The following CRTC3 variants were observed in gnomAD, a reference collection of about 807,000 sequenced individuals.
The protein encoded by CRTC3 is CREB regulated transcription coactivator 3.
Under a neutral mutation model 74.5 loss-of-function variants are expected in CRTC3, and 26 were observed. The ratio of observed to expected loss-of-function variants is 0.35; its 90% CI spans 0.26 to 0.48. The LOEUF is 0.48. CRTC3 is among the 20% of genes least tolerant of loss of function. The probability of loss-of-function intolerance (pLI) is 0.99; values close to 1 mark genes in which losing one functional copy is unlikely to be tolerated. For synonymous variants in CRTC3, 377 were observed against 325.8 expected, an observed-to-expected ratio of 1.16 and a Z score of -1.69; for missense variants, 760 against 787.3, an observed-to-expected ratio of 0.97 and a Z score of 0.41.
rs111982632 is a variant in CRTC3 at position 90,601,060 on chromosome 15, G to A, written c.352-1264G>A. ...ATCACCGCAATTACTAAGCCAGTAAGTTTTGATTTTGCCTTTTAGGCTGAA... is the reference window on the plus strand; with the variant it reads ...ATCACCGCAATTACTAAGCCAGTAAATTTTGATTTTGCCTTTTAGGCTGAA... On this transcript the variant is annotated intron_variant, in intron 3 of 14. Transcript: ENST00000268184. Among the ~76,000 whole-genome samples the A allele has an allele frequency of 9.0e-3, 1,376 of 152,330 alleles. 16 individuals are homozygous for A. Among genetic ancestry groups the A allele is most frequent in the Middle Eastern group, 0.02 (6 of 294 alleles).
intron 1 of CRTC3, among the ~76,000 whole-genome samples, chr15:90,533,386 A>G (rs1183680028): frequency 6.8e-6 from 1 of 146,520 alleles, no homozygotes; most frequent in African/African-American, 2.5e-5. Flanking sequence ...GCGCCATTGC[A>G]CTCCAGCCTG....
At chr15:90,542,512 C>T (rs1345596880) in intron 2 of CRTC3, among the ~76,000 whole-genome samples, 1 of 152,078 alleles carries the variant, frequency 6.6e-6, no homozygotes, top group Non-Finnish European at 1.5e-5. Flanking sequence ...GAATAAGTTC[C>T]TGACCTGATG....
chr15:90,596,555 C>T (rs1250623893), intron 3 of CRTC3: 1 of 152,074 alleles, frequency 6.6e-6, no homozygotes, highest in Non-Finnish European at 1.5e-5. Flanking sequence ...CTCCTAAGCT[C>T]CTAAATTGGG....
chr15:90,532,231 A>C (rs1349644848), intron 1 of CRTC3, among the ~76,000 whole-genome samples: 1 of 152,202 alleles, frequency 6.6e-6, no homozygotes, highest in East Asian at 1.9e-4. Context: ...GATAACACTG[A>C]ATTTGGCTAC....
At chr15:90,589,850 C>T (rs911259336) in intron 2 of CRTC3, among the ~76,000 whole-genome samples, 30 of 150,608 alleles carry the variant, frequency 2.0e-4, no homozygotes, top group South Asian at 6.3e-4. Context: ...GGCCGGGTGT[C>T]GTGGCTTGTG....
chr15:90,555,714 C>T (rs1966882446), intron 2 of CRTC3, among the ~76,000 whole-genome samples: 1 of 152,086 alleles, frequency 6.6e-6, no homozygotes, highest in Admixed American at 6.6e-5. Flanking sequence ...GACGGGGTGT[C>T]ACCATGTTGG....
In CRTC3 at chr15:90,638,625, C is replaced by T. The variant is rs953547996; in HGVS notation, c.1446C>T (p.Asp482=). ...PQAASSLPQS[D]FQLLPAQGSS... is the part of the protein sequence containing the mutation. Reference sequence around the variant, plus strand: ...CAGCCTCCTCACTGCCACAGTCAGACTTTCAGCTTCTCCCGGCCCAGGTGA... The same window carrying T: ...CAGCCTCCTCACTGCCACAGTCAGATTTTCAGCTTCTCCCGGCCCAGGTGA... Residue 482 remains aspartate (D), a synonymous_variant, in exon 12 of 15, where the codon GAC becomes GAT. Transcript: ENST00000268184. 3.1e-6 allele frequency: 5 copies of T among 1,613,592 alleles called. No individual in the cohort carries two copies. The highest frequency in any genetic ancestry group is 3.4e-6 in the Non-Finnish European group (4 of 1,180,002).
At chr15:90,628,443 T>G (rs1206831497) in intron 10 of CRTC3, among the ~76,000 whole-genome samples, 6 of 152,150 alleles carry the variant, frequency 3.9e-5, no homozygotes, top group African/African-American at 1.4e-4. Flanking sequence ...GAATAATTGA[T>G]TCACTGGGCG....
At chr15:90,595,670 G>A (rs1282980710) in intron 3 of CRTC3, 2 of 151,692 alleles carry the variant, frequency 1.3e-5, no homozygotes, top group African/African-American at 4.9e-5. Flanking sequence ...CTATATATAC[G>A]TGTGTGTATG....
intron 2 of CRTC3, among the ~76,000 whole-genome samples, chr15:90,571,756 A>G (rs1967272146): frequency 6.6e-6 from 1 of 152,126 alleles, no homozygotes; most frequent in Admixed American, 6.5e-5. Context: ...TAAGTGTTTC[A>G]TCTGCACCCT....
chr15:90,533,503 C>A (rs1440684945), intron 1 of CRTC3, among the ~76,000 whole-genome samples: 1 of 151,328 alleles, frequency 6.6e-6, no homozygotes. Flanking sequence ...TTAATGTATT[C>A]ATTTGTCAGT....
intron 2 of CRTC3, among the ~76,000 whole-genome samples, chr15:90,545,748 T>C (rs1040936920): frequency 3.9e-5 from 6 of 152,114 alleles, no homozygotes; most frequent in South Asian, 2.1e-4. Flanking sequence ...GGGTAATTTT[T>C]TTTGTATTTT....
intron 3 of CRTC3, chr15:90,595,973 T>C (rs1967915260): frequency 6.6e-6 from 1 of 152,224 alleles, no homozygotes; most frequent in Non-Finnish European, 1.5e-5. Flanking sequence ...GGGAGGCAGC[T>C]CAGGGGCTGT....
At chr15:90,602,252 C>T in intron 3 of CRTC3, 72 bp from the exon 4 acceptor site, 2 of 908,624 alleles carry the variant, frequency 2.2e-6, no homozygotes, top group Non-Finnish European at 3.6e-6. Flanking sequence ...GTTTAACTCT[C>T]TGTGAGTCCA....
chr15:90,551,985 A>G (rs1162823692), intron 2 of CRTC3, among the ~76,000 whole-genome samples: 1 of 152,066 alleles, frequency 6.6e-6, no homozygotes, highest in Non-Finnish European at 1.5e-5. Flanking sequence ...TTCTAAAGGA[A>G]CAGACTGACC....
intron 11 of CRTC3, among the ~76,000 whole-genome samples, chr15:90,635,558 T>C (rs928562263): frequency 6.6e-6 from 1 of 152,152 alleles, no homozygotes; most frequent in African/African-American, 2.4e-5. Flanking sequence ...GGCAGGAGAA[T>C]TGCTTGAACC....
chr15:90,606,699 C>A (rs1968231066), intron 5 of CRTC3: 1 of 151,920 alleles, frequency 6.6e-6, no homozygotes, highest in Admixed American at 6.5e-5. Flanking sequence ...AAATAATAAG[C>A]CCATTACATG....
chr15:90,550,613 G>C (rs1036690216), intron 2 of CRTC3, among the ~76,000 whole-genome samples: 2 of 151,994 alleles, frequency 1.3e-5, no homozygotes, highest in African/African-American at 4.8e-5. Context: ...CCTTTTAGCA[G>C]CCTTTGAAAT....
At chr15:90,604,477 AT>A in intron 5 of CRTC3, 30 bp downstream of exon 5, 1 of 1,531,576 alleles carries the variant, frequency 6.5e-7, no homozygotes, top group Non-Finnish European at 9.0e-7. Flanking sequence ...GTAGGAGTAG[AT>A]TTTAAAGCAA....
Sources: gnomAD v4.1 joint callset for allele counts (sites outside exome capture counted in the v4.1 genomes callset) on GRCh38, gnomAD v4.1.1 for gene constraint, MANE v1.5 for transcripts, NCBI Gene and HGNC (gene_info 2026-07-23, HGNC 2026-07-21) for gene names.